The following ST6GAL1 variants were observed in gnomAD, a reference collection of about 807,000 sequenced individuals.
ST6GAL1 encodes beta-galactoside alpha-2,6-sialyltransferase 1.
ST6GAL1 carries 20 observed loss-of-function variants against 38.0 expected under a neutral mutation model. That is an observed-to-expected ratio of 0.53 (90% CI 0.37 to 0.77). The LOEUF is 0.77. ST6GAL1 is among the 30% of genes least tolerant of loss of function. The pLI, the probability that ST6GAL1 is intolerant of heterozygous loss-of-function variation, is 0.00. For missense variants in ST6GAL1, 432 were observed against 496.4 expected, an observed-to-expected ratio of 0.87 and a Z score of 1.23; for synonymous variants, 196 against 188.2, an observed-to-expected ratio of 1.04 and a Z score of -0.34.
rs573442649 is a variant in ST6GAL1 at position 186,982,450 on chromosome 3, C to T, written c.-183+18524C>T. On this transcript the variant is annotated intron_variant, in intron 2 of 7. Coordinates refer to ENST00000169298, the MANE Select transcript of ST6GAL1 (RefSeq NM_173216.2). ...GCAGACAGTTAGGGGGAATATGTATCTTCAACTATGGGGCAGTATGGCAAA... is the reference window on the plus strand; with the variant it reads ...GCAGACAGTTAGGGGGAATATGTATTTTCAACTATGGGGCAGTATGGCAAA... Among the ~76,000 whole-genome samples the T allele has an allele frequency of 2.7e-3, 415 of 152,280 alleles. 2 individuals carry two copies. The highest frequency in any genetic ancestry group is 5.0e-3 in the Non-Finnish European group (338 of 68,034).
intron 2 of ST6GAL1, among the ~76,000 whole-genome samples, chr3:186,984,101 G>A (rs1212696237): frequency 1.3e-5 from 2 of 152,120 alleles, no homozygotes; most frequent in Admixed American, 6.6e-5. Flanking sequence ...CATCCGTCTA[G>A]TTGCTTGGGC....
At chr3:187,018,053 T>G (rs1717174658) in intron 2 of ST6GAL1, among the ~76,000 whole-genome samples, 2 of 152,162 alleles carry the variant, frequency 1.3e-5, no homozygotes, top group South Asian at 4.1e-4. Context: ...CTTTGACAGC[T>G]CTGCTGCTGT....
intron 2 of ST6GAL1, among the ~76,000 whole-genome samples, chr3:187,008,949 T>C (rs1320315404): frequency 1.3e-5 from 2 of 152,222 alleles, no homozygotes; most frequent in Non-Finnish European, 2.9e-5. Context: ...AGGTTATGCA[T>C]GGACTGAAGT....
chr3:187,055,083 A>C (rs1051943700), intron 5 of ST6GAL1, among the ~76,000 whole-genome samples: 1 of 152,016 alleles, frequency 6.6e-6, no homozygotes, highest in Non-Finnish European at 1.5e-5. Context: ...GTTTATTTGC[A>C]TAGAGGTGTT....
chr3:187,030,929 G>C (rs558303716), intron 2 of ST6GAL1, among the ~76,000 whole-genome samples: 2 of 152,168 alleles, frequency 1.3e-5, no homozygotes, highest in African/African-American at 4.8e-5. Context: ...GAAGGTGATG[G>C]GTGGGTAGGT....
chr3:187,002,809 A>G (rs1281338401), intron 2 of ST6GAL1, among the ~76,000 whole-genome samples: 1 of 152,250 alleles, frequency 6.6e-6, no homozygotes, highest in Non-Finnish European at 1.5e-5. Context: ...AAAATTCTCC[A>G]TTATAATTCT....
Position 187,078,341 on chromosome 3 carries a change from AGT to A in ST6GAL1, c.*2539_*2540del, listed in dbSNP as rs1397775642. The A allele has an allele frequency of 3.3e-5, 5 of 152,180 alleles. No individual in the cohort carries two copies. Among genetic ancestry groups the A allele is most frequent in the Non-Finnish European group, 7.3e-5 (5 of 68,032 alleles). The allele number at this position is 152,180 out of a possible 1,614,324, so 9.4% of individuals were successfully genotyped here. On this transcript the variant is annotated 3_prime_UTR_variant, in exon 8 of 8. Transcript: ENST00000169298. ...TGTGACAGTTAATTTAAAAATTATG[AGT>A]TAATGCTGCCTGTGTCTATGGGGTT...
In ST6GAL1 at chr3:187,034,213, A is replaced by G. The variant is rs139982981; in HGVS notation, c.-182-4529A>G. On this transcript the variant is annotated intron_variant, in intron 2 of 7. Coordinates refer to ENST00000169298, the MANE Select transcript of ST6GAL1 (RefSeq NM_173216.2). Reference sequence around the variant, plus strand: ...TCTTTCAAGATTGAATCAGGAAGAAATTGAAACCTGAACAGACCAATATCA... The same window carrying G: ...TCTTTCAAGATTGAATCAGGAAGAAGTTGAAACCTGAACAGACCAATATCA... Among the ~76,000 whole-genome samples the G allele has an allele frequency of 3.3e-3, 506 of 152,260 alleles. 1 individual carries two copies. Among genetic ancestry groups the G allele is most frequent in the African/African-American group, 0.011 (470 of 41,574 alleles).
At chr3:187,000,655 C>T (rs1716587811) in intron 2 of ST6GAL1, among the ~76,000 whole-genome samples, 1 of 152,188 alleles carries the variant, frequency 6.6e-6, no homozygotes, top group Non-Finnish European at 1.5e-5. Context: ...CGATGGACTT[C>T]TGGATCACAA....
intron 3 of ST6GAL1, among the ~76,000 whole-genome samples, chr3:187,042,236 C>A (rs1718149278): frequency 6.6e-6 from 1 of 151,038 alleles, no homozygotes; most frequent in South Asian, 2.1e-4. Flanking sequence ...TTCAAGCATG[C>A]ATGGCTTCAT....
At position 187,076,862 on chromosome 3, in the gene ST6GAL1, C is replaced by T. The variant is rs1341342782; in HGVS notation, c.*1059C>T. 7.5e-6 allele frequency: 3 copies of T among 399,018 alleles called. No individual in the cohort carries two copies. Among genetic ancestry groups the T allele is most frequent in the South Asian group, 2.5e-4 (2 of 7,856 alleles). The allele number at this position is 399,018 out of a possible 1,614,324, so 24.7% of individuals were successfully genotyped here. A position where few individuals can be genotyped will look rare whatever the true frequency, so the allele number is the denominator to read the frequency against. On this transcript the variant is annotated 3_prime_UTR_variant, in exon 8 of 8. Coordinates refer to ENST00000169298, the MANE Select transcript of ST6GAL1 (RefSeq NM_173216.2). ...TACCAGGCAATCCAGAGCCACAAAA[C>T]GTGATTCCTCCAGGCTCTGCCTGGC...
chr3:186,961,784 T>C (rs1240500689), intron 1 of ST6GAL1, among the ~76,000 whole-genome samples: 1 of 151,908 alleles, frequency 6.6e-6, no homozygotes, highest in Admixed American at 6.6e-5. Context: ...TGGCCTGGAG[T>C]GAAAGGAAGG....
At chr3:187,062,745 A>G (rs1278307273) in intron 5 of ST6GAL1, among the ~76,000 whole-genome samples, 2 of 152,238 alleles carry the variant, frequency 1.3e-5, no homozygotes, top group East Asian at 3.8e-4. Flanking sequence ...TTGCACAACA[A>G]TACAAATGTA....
At chr3:186,955,293 A>G (rs184011005) in intron 1 of ST6GAL1, among the ~76,000 whole-genome samples, 155 of 152,326 alleles carry the variant, frequency 1.0e-3, no homozygotes, top group Non-Finnish European at 7.3e-5. Context: ...CTTTTTGCTT[A>G]GGATTGTCTT....
intron 2 of ST6GAL1, among the ~76,000 whole-genome samples, chr3:186,984,839 C>T (rs1458409664): frequency 4.0e-5 from 3 of 74,446 alleles, no homozygotes; most frequent in African/African-American, 1.5e-4. Context: ...CTCCCTCCCT[C>T]CCTCCCTCCT....
intron 2 of ST6GAL1, among the ~76,000 whole-genome samples, chr3:187,020,961 G>T (rs1026627986): frequency 2.6e-4 from 38 of 146,754 alleles, no homozygotes; most frequent in African/African-American, 7.5e-5. Context: ...TGTATTGGTG[G>T]TTTTTTTTTT....
intron 2 of ST6GAL1, among the ~76,000 whole-genome samples, chr3:187,012,405 G>A (rs1716985302): frequency 6.6e-6 from 1 of 152,056 alleles, no homozygotes; most frequent in South Asian, 2.1e-4. Context: ...TAACAGGCGT[G>A]CGCCACCATA....
chr3:187,030,108 T>C (rs1056837547), intron 2 of ST6GAL1, among the ~76,000 whole-genome samples: 1 of 152,170 alleles, frequency 6.6e-6, no homozygotes, highest in Non-Finnish European at 1.5e-5. Flanking sequence ...TAGAATATCC[T>C]AAAAGTGGAT....
In ST6GAL1 at chr3:187,077,855, C is replaced by A. The variant is rs1427711853; in HGVS notation, c.*2052C>A. On this transcript the variant is annotated 3_prime_UTR_variant, in exon 8 of 8. Transcript: ENST00000169298. The stretch of plus-strand genomic sequence containing the variant: ...GTCTTATTGGGAGACAACAACTGTC[C>A]TCCTTGGAACACCCAAGAAACCATG... 1 of 152,510 alleles carries A rather than the reference C, an allele frequency of 6.6e-6. No homozygotes were observed. Among genetic ancestry groups the A allele is most frequent in the Admixed American group, 6.5e-5 (1 of 15,286 alleles). The allele number at this position is 152,510 out of a possible 1,614,324, so 9.4% of individuals were successfully genotyped here. A position where few individuals can be genotyped will look rare whatever the true frequency, so the allele number is the denominator to read the frequency against.
Sources: allele counts gnomAD v4.1 joint callset (sites outside exome capture counted in the v4.1 genomes callset), GRCh38; gene constraint gnomAD v4.1.1; transcripts MANE v1.5; gene names NCBI Gene and HGNC (gene_info 2026-07-23, HGNC 2026-07-21).